The following RUNX3 variants were observed in gnomAD, a reference collection of about 807,000 sequenced individuals.
RUNX3 encodes the protein RUNX family transcription factor 3.
A neutral mutation model predicts 27.7 loss-of-function variants in RUNX3; 10 were observed. The ratio of observed to expected loss-of-function variants is 0.36; its 90% CI spans 0.22 to 0.61. RUNX3 has a LOEUF of 0.61. Among genes scored for constraint, RUNX3 ranks in the 20% least tolerant of loss-of-function variants. The pLI, the probability that RUNX3 is intolerant of heterozygous loss-of-function variation, is 0.72. For synonymous variants in RUNX3, 270 were observed against 269.2 expected, an observed-to-expected ratio of 1.00 and a Z score of -0.03; for missense variants, 469 against 629.5, an observed-to-expected ratio of 0.75 and a Z score of 2.73.
rs1557845843 is a variant in RUNX3 at position 24,927,993 on chromosome 1, CT to C, written c.283-264del. ...ATAAACTGTGTCCCAAGAAATCATC[CT>C]TTCAATGAAATCTAAGCCAGAGCTG... is the stretch of plus-strand genomic sequence containing the variant. On this transcript the variant is annotated intron_variant, in intron 1 of 4. Coordinates refer to ENST00000308873, the MANE Select transcript of RUNX3 (RefSeq NM_004350.3). This position sits in a 1 kb window ranked among gnomAD's most constrained non-coding sequence, Gnocchi z 5.0. 6.6e-6 allele frequency among the ~76,000 whole-genome samples: 1 copy of C among 152,198 alleles called. No individual in the cohort carries two copies. The highest frequency in any genetic ancestry group is 1.9e-4 in the East Asian group (1 of 5,200).
intron 2 of RUNX3, among the ~76,000 whole-genome samples, chr1:24,955,640 C>T (rs1006005380): frequency 6.6e-6 from 1 of 152,176 alleles, no homozygotes; most frequent in South Asian, 2.1e-4. Context: ...AATCTCGAGG[C>T]TCTGGAGCTT....
intron 2 of RUNX3, among the ~76,000 whole-genome samples, chr1:24,942,012 G>C (rs931571911): frequency 6.6e-6 from 1 of 152,190 alleles, no homozygotes; most frequent in Admixed American, 6.5e-5. Context: ...GGGGTGGGGG[G>C]CCCTCTCACT....
chr1:24,932,897 C>T (rs1049499713), upstream of RUNX3, among the ~76,000 whole-genome samples: 7 of 152,212 alleles, frequency 4.6e-5, no homozygotes, highest in African/African-American at 1.4e-4. Flanking sequence ...AAGTTGTCCA[C>T]AGCAGGGCTA....
At position 24,908,003 on chromosome 1, in the gene RUNX3, C is replaced by T. The variant is rs572612253; in HGVS notation, c.545-586G>A. 6.8e-4 allele frequency among the ~76,000 whole-genome samples: 103 copies of T among 152,264 alleles called. 1 individual carries two copies. In the South Asian group the frequency reaches 0.021, roughly 31 times the overall value. On this transcript the variant is annotated intron_variant, in intron 3 of 4. Coordinates refer to ENST00000308873, the MANE Select transcript of RUNX3 (RefSeq NM_004350.3). ...CTCTACAACACGCGGTGATCTAAAC[C>T]TCTACAACACGCGGTGATCCGAACC...
Position 24,929,350 on chromosome 1 carries a change from C to T in RUNX3, c.282+237G>A, listed in dbSNP as rs534617604. The T allele has an allele frequency of 5.8e-6, 4 of 695,202 alleles. No homozygotes were observed. In the South Asian group the frequency reaches 6.0e-5, roughly 10 times the overall value. The allele number at this position is 695,202 out of a possible 1,614,324, so 43.1% of individuals were successfully genotyped here. A position where few individuals can be genotyped will look rare whatever the true frequency, so the allele number is the denominator to read the frequency against. ...GCACCAACGTCTCTACGCAAGGCGC[C>T]CCAAAACCCAGGTGGAGCGGGGCAA... On this transcript the variant is annotated intron_variant, in intron 1 of 4. Transcript: ENST00000308873.
At position 24,916,525 on chromosome 1, in the gene RUNX3, G is replaced by C. The variant is rs1571312226; in HGVS notation, c.544+2715C>G. On this transcript the variant is annotated intron_variant, in intron 3 of 4. Transcript: ENST00000308873. The surrounding 1 kb of genome is among the most constrained non-coding windows in gnomAD (Gnocchi z 4.8). ...GACTTTGCACAGGGCCTGACGCAAG[G>C]GAGGGGGTTGCTCAGTGACCAGGAG... Among the ~76,000 whole-genome samples, 1 of 152,326 alleles carries C rather than the reference G, an allele frequency of 6.6e-6. No homozygotes were observed. Among genetic ancestry groups the C allele is most frequent in the Middle Eastern group, 3.4e-3 (1 of 294 alleles).
rs1404729638 is a variant in RUNX3, at chr1:24,929,569, C to G, written c.282+18G>C. The G allele has an allele frequency of 1.9e-6, 3 of 1,595,020 alleles. No individual in the cohort carries two copies. The African/African-American group carries it at 4.0e-5, about 21-fold the overall frequency. On this transcript the variant is annotated intron_variant, in intron 1 of 4. Coordinates refer to ENST00000308873, the MANE Select transcript of RUNX3 (RefSeq NM_004350.3). Reference sequence around the variant, plus strand: ...AGCCCCAGGGCCGGCGCCCTCCCGCCCCGGGTCCCGCACTCACCTTGAAGG... The same window carrying G: ...AGCCCCAGGGCCGGCGCCCTCCCGCGCCGGGTCCCGCACTCACCTTGAAGG...
At chr1:24,964,697 C>T (rs577512363) in intron 1 of RUNX3, 3 of 1,498,374 alleles carry the variant, frequency 2.0e-6, no homozygotes, top group Middle Eastern at 1.7e-4. Context: ...GGGGGTGTTG[C>T]TTTTTGTTGT....
intron 1 of RUNX3, among the ~76,000 whole-genome samples, chr1:24,928,083 G>A (rs781540338): frequency 6.6e-6 from 1 of 152,210 alleles, no homozygotes; most frequent in African/African-American, 2.4e-5. Context: ...TGCAGCGAAA[G>A]AGGAATCAAC....
At chr1:24,954,491 TC>T (rs1213756661) in intron 2 of RUNX3, among the ~76,000 whole-genome samples, 1 of 152,140 alleles carries the variant, frequency 6.6e-6, no homozygotes, top group Non-Finnish European at 1.5e-5. Context: ...TTGCACAGGG[TC>T]CCTTGCTTAG....
chr1:24,931,310 G>A (rs1264371497), upstream of RUNX3, among the ~76,000 whole-genome samples: 2 of 152,116 alleles, frequency 1.3e-5, no homozygotes, highest in Non-Finnish European at 2.9e-5. Flanking sequence ...CTTCGCCAAG[G>A]CACTGCCTGC....
intron 2 of RUNX3, among the ~76,000 whole-genome samples, chr1:24,942,449 CAG>C (rs757979046): frequency 5.3e-5 from 8 of 152,126 alleles, no homozygotes; most frequent in Non-Finnish European, 1.2e-4. Flanking sequence ...GGGGTAAAGT[CAG>C]AGAGAGTGAC....
intron 2 of RUNX3, among the ~76,000 whole-genome samples, chr1:24,949,046 T>A (rs908953124): frequency 6.6e-6 from 1 of 152,052 alleles, no homozygotes; most frequent in African/African-American, 2.4e-5. Context: ...TGAAGTCTTA[T>A]AACCACAGTG....
At chr1:24,949,638 C>G (rs1641707407) in intron 2 of RUNX3, among the ~76,000 whole-genome samples, 1 of 152,376 alleles carries the variant, frequency 6.6e-6, no homozygotes, top group East Asian at 1.9e-4. Flanking sequence ...CTGCAGTGGC[C>G]TCTGTGAGCT....
At chr1:24,935,082 G>A (rs894601148), upstream of RUNX3, among the ~76,000 whole-genome samples, 8 of 152,314 alleles carry the variant, frequency 5.3e-5, no homozygotes, top group South Asian at 1.2e-3. Flanking sequence ...GGGAAAGGGC[G>A]TGATCAGGAT....
chr1:24,953,031 G>A (rs916143820), intron 2 of RUNX3, among the ~76,000 whole-genome samples: 11 of 151,804 alleles, frequency 7.2e-5, no homozygotes, highest in African/African-American at 1.9e-4. Context: ...AAAGCAGTAC[G>A]TGCTTGTTAT....
Position 24,902,196 on chromosome 1 carries a change from C to A in RUNX3, c.1174G>T (p.Gly392Cys). ...GCCGTGGGTGAGTTGCTGTGGCTGCCGTCGGCCTCCACGCCATCACTCTGG... is the reference window on the plus strand; with the variant it reads ...GCCGTGGGTGAGTTGCTGTGGCTGCAGTCGGCCTCCACGCCATCACTCTGG... ...GGQSDGVEADGSHSNSPTALS... is the reference protein window; with the variant it reads ...GGQSDGVEADCSHSNSPTALS... Residue 392 changes from glycine (G) to cysteine (C), a missense_variant, in exon 5 of 5, where the codon GGC (glycine) becomes TGC (cysteine). Gly to Cys is a radical substitution (Grantham distance 159). This residue lies in a region of RUNX3 where 279 missense variants were observed against 343.0 expected (regional missense o/e 0.81). Coordinates refer to ENST00000308873, the MANE Select transcript of RUNX3 (RefSeq NM_004350.3). This position sits in a 1 kb window ranked among gnomAD's most constrained non-coding sequence, Gnocchi z 9.2. 1 of 1,569,308 alleles carries A rather than the reference C, an allele frequency of 6.4e-7. No homozygotes were observed. The highest frequency in any genetic ancestry group is 2.1e-4 in the Middle Eastern group (1 of 4,660).
chr1:24,954,207 G>A (rs539185856), intron 2 of RUNX3, among the ~76,000 whole-genome samples: 2 of 152,304 alleles, frequency 1.3e-5, no homozygotes, highest in African/African-American at 4.8e-5. Context: ...GAATGATAGT[G>A]GTTTTTTCTG....
rs1028316379 is a variant in RUNX3 at position 24,923,424 on chromosome 1, T to C, written c.440-4080A>G. On this transcript the variant is annotated intron_variant, in intron 2 of 4. Transcript: ENST00000308873. The surrounding 1 kb of genome is among the most constrained non-coding windows in gnomAD (Gnocchi z 5.9). ...ATCCCTCTCTCTCAGCCTCTAGATA[T>C]AACTCTGTGCAGGAGTCCCAGGCAA... Among the ~76,000 whole-genome samples, 13 of 152,122 alleles carry C rather than the reference T, an allele frequency of 8.5e-5. No individual in the cohort carries two copies. The highest frequency in any genetic ancestry group is 3.1e-4 in the African/African-American group (13 of 41,404).
Sources: allele counts gnomAD v4.1 joint callset (sites outside exome capture counted in the v4.1 genomes callset), GRCh38; gene constraint gnomAD v4.1.1; regional missense constraint gnomAD v4.1.1; non-coding constraint Gnocchi (gnomAD v3.1); transcripts MANE v1.5; gene names NCBI Gene and HGNC (gene_info 2026-07-23, HGNC 2026-07-21).